Variants in VPS37B observed in about 807,000 individuals in gnomAD.
The protein encoded by VPS37B is vacuolar protein sorting-associated protein 37B.
VPS37B carries 11 observed loss-of-function variants against 21.2 expected under a neutral mutation model. The ratio of observed to expected loss-of-function variants is 0.52; its 90% CI spans 0.33 to 0.86. The LOEUF is 0.86. VPS37B is among the 40% of genes least tolerant of loss of function. VPS37B has a pLI of 0.03. For missense variants in VPS37B, 389 were observed against 374.8 expected (o/e 1.04, Z -0.31); for synonymous variants, 175 against 159.6 (o/e 1.10, Z -0.73).
intron 1 of VPS37B, chr12:122,873,148 G>A (rs926035901): frequency 6.6e-6 from 1 of 152,188 alleles, no homozygotes; most frequent in Admixed American, 6.5e-5. Flanking sequence ...GCACGGGGAC[G>A]GAGCCGTCCT....
chr12:122,879,413 G>C (rs1056412964), intron 1 of VPS37B: 1 of 152,404 alleles, frequency 6.6e-6, no homozygotes, highest in East Asian at 1.9e-4. Context: ...AGTGTTCCCC[G>C]GGTTGCCTCG....
At chr12:122,895,201 C>T (rs2034472810) in intron 1 of VPS37B, among the ~76,000 whole-genome samples, 1 of 151,938 alleles carries the variant, frequency 6.6e-6, no homozygotes, top group South Asian at 2.1e-4. Context: ...GGCTGGGGAC[C>T]CTCGCCCAAC....
intron 1 of VPS37B, among the ~76,000 whole-genome samples, chr12:122,891,545 A>G (rs1157921409): frequency 6.6e-6 from 1 of 152,186 alleles, no homozygotes. Context: ...AGGCACAGTA[A>G]TTTTTTACTC....
chr12:122,868,219 G>A lies in VPS37B; in HGVS notation c.366+261C>T, dbSNP rs1379380246. Among the ~76,000 whole-genome samples, 1 of 152,238 alleles carries A rather than the reference G, an allele frequency of 6.6e-6. No homozygotes were observed. Among genetic ancestry groups the A allele is most frequent in the African/African-American group, 2.4e-5 (1 of 41,464 alleles). ...ACGTGGTAATCCGCCACTGGCCCCA[G>A]GGGCCGGCGTTCACAGGGTGGCACG... is the stretch of plus-strand genomic sequence containing the variant. On this transcript the variant is annotated intron_variant, in intron 3 of 3. Coordinates refer to ENST00000267202, the MANE Select transcript of VPS37B (RefSeq NM_024667.3). This position sits in a 1 kb window ranked among gnomAD's most constrained non-coding sequence, Gnocchi z 5.5.
chr12:122,875,529 A>AAC (rs1451361839), intron 1 of VPS37B: 1 of 152,146 alleles, frequency 6.6e-6, no homozygotes, highest in African/African-American at 2.4e-5. Context: ...CCTGCCCCAG[A>AAC]ACACACCTTG....
chr12:122,882,400 G>C (rs2034258442), intron 1 of VPS37B: 1 of 152,150 alleles, frequency 6.6e-6, no homozygotes, highest in African/African-American at 2.4e-5. Flanking sequence ...CCCAAGCTTA[G>C]CTGGCCCTTC....
chr12:122,867,219 T>C lies in VPS37B; in HGVS notation c.755A>G (p.Gln252Arg), dbSNP rs1286218854. 7 of 1,574,068 alleles carry C rather than the reference T, an allele frequency of 4.4e-6. No homozygotes were observed. The South Asian group carries it at 7.1e-5, about 16-fold the overall frequency. ...PLPPRVGLPT[Q>R]QGFSSQFVSP... ...CACGAACTGCGAAGAGAATCCTTGC[T>C]GAGTGGGGAGGCCCACGCGGGGGGG... Residue 252 changes from glutamine to arginine, a missense_variant, in exon 4 of 4, where the codon CAG becomes CGG. Transcript: ENST00000267202. This position sits in a 1 kb window ranked among gnomAD's most constrained non-coding sequence, Gnocchi z 5.5.
At position 122,867,330 on chromosome 12, in the gene VPS37B, G is replaced by A. The variant is rs1197174527; in HGVS notation, c.644C>T (p.Pro215Leu). The change falls in exon 4 of 4, where the codon CCT becomes CTT. Residue 215 changes from proline to leucine, a missense_variant. Pro to Leu is a moderately conservative substitution (Grantham distance 98). Coordinates refer to ENST00000267202, the MANE Select transcript of VPS37B (RefSeq NM_024667.3). The surrounding 1 kb of genome is among the most constrained non-coding windows in gnomAD (Gnocchi z 5.5). ...RRIPPPPPPV[P>L]AGRLATPFTA... ...AAACGGGGTGGCTAAGCGTCCCGCA[G>A]GCACCGGGGGTGGTGGGGGGGGGAT... 1 of 1,527,252 alleles carries A rather than the reference G, an allele frequency of 6.5e-7. No individual in the cohort carries two copies. The highest frequency in any genetic ancestry group is 8.9e-7 in the Non-Finnish European group (1 of 1,118,476). The allele number at this position is 1,527,252 out of a possible 1,614,324, so 94.6% of individuals were successfully genotyped here. A position where few individuals can be genotyped will look rare whatever the true frequency, so the allele number is the denominator to read the frequency against.
At position 122,867,487 on chromosome 12, in the gene VPS37B, C is replaced by A. The variant is rs1319186507; in HGVS notation, c.487G>T (p.Val163Phe). The change falls in exon 4 of 4, where the codon GTC becomes TTC. Residue 163 changes from valine (V) to phenylalanine (F), a missense_variant. By Grantham distance (50) the Val-to-Phe change is conservative (BLOSUM62 -1). Transcript: ENST00000267202. The surrounding 1 kb of genome is among the most constrained non-coding windows in gnomAD (Gnocchi z 5.5). ...RVKIEKLQEM[V>F]LKGQRLPQAL... is the part of the protein sequence containing the mutation. ...TGTGGGAGTCTCTGCCCCTTTAGGA[C>A]CATCTCCTGGAGCTTCTCGATTTTC... is the stretch of plus-strand genomic sequence containing the variant. The A allele has an allele frequency of 4.3e-6, 7 of 1,613,928 alleles. No homozygotes were observed. The highest frequency in any genetic ancestry group is 5.1e-6 in the Non-Finnish European group (6 of 1,180,022).
chr12:122,890,681 T>A (rs1056886382), intron 1 of VPS37B, among the ~76,000 whole-genome samples: 1 of 152,114 alleles, frequency 6.6e-6, no homozygotes, highest in African/African-American at 2.4e-5. Flanking sequence ...ATACATAAAA[T>A]TTTCCATCGT....
At chr12:122,869,380 G>A (rs1011852474) in intron 2 of VPS37B, among the ~76,000 whole-genome samples, 1 of 152,208 alleles carries the variant, frequency 6.6e-6, no homozygotes, top group African/African-American at 2.4e-5. Context: ...GGTGAAATGA[G>A]AAAAGGAGGT....
rs541020770 is a variant in VPS37B, at chr12:122,868,562, T to A, written c.284A>T (p.Asp95Val). ...EAYQIKKTKL[D>V]RQSSSASLET... ...CAAGGAAGCACTGCTAGACTGTCTG[T>A]CTGGAAAAAAAGCAAGAGGTATGAC... The change falls in exon 3 of 4, where the codon GAC becomes GTC. Residue 95 changes from aspartate (D) to valine (V), a missense_variant and splice_region_variant. Coordinates refer to ENST00000267202, the MANE Select transcript of VPS37B (RefSeq NM_024667.3). The surrounding 1 kb of genome is among the most constrained non-coding windows in gnomAD (Gnocchi z 5.5). 6.2e-7 allele frequency: 1 copy of A among 1,613,102 alleles called. No individual in the cohort carries two copies. Among genetic ancestry groups the A allele is most frequent in the African/African-American group, 1.3e-5 (1 of 74,980 alleles).
chr12:122,867,288 G>C lies in VPS37B; in HGVS notation c.686C>G (p.Ser229Trp), dbSNP rs746599217. 7.1e-6 allele frequency: 10 copies of C among 1,408,442 alleles called. No homozygotes were observed. The highest frequency in any genetic ancestry group is 3.2e-5 in the African/African-American group (2 of 63,046). The allele number at this position is 1,408,442 out of a possible 1,614,324, so 87.2% of individuals were successfully genotyped here. ...TCCTGGGTACGGCACGGCCTGTCCC[G>C]AACTCATGGCCGCAGTAAACGGGGT... ...LATPFTAAMS[S>W]GQAVPYPGLQ... The change falls in exon 4 of 4, where the codon TCG (serine) becomes TGG (tryptophan). Residue 229 changes from serine (S) to tryptophan (W), a missense_variant. Ser to Trp is a radical substitution (Grantham distance 177). Transcript: ENST00000267202. The surrounding 1 kb of genome is among the most constrained non-coding windows in gnomAD (Gnocchi z 5.5).
chr12:122,871,837 T>G (rs1356046423), intron 1 of VPS37B: 1 of 984,598 alleles, frequency 1.0e-6, no homozygotes, highest in African/African-American at 1.7e-5. Context: ...CTAGCAAAAC[T>G]TAGCCAAAGT....
intron 1 of VPS37B, chr12:122,881,815 C>T (rs957731132): frequency 3.3e-5 from 5 of 152,114 alleles, no homozygotes; most frequent in African/African-American, 1.2e-4. Flanking sequence ...TTTAAAAAAA[C>T]CTTTTATAGA....
At chr12:122,885,588 C>T (rs2034308884) in intron 1 of VPS37B, 1 of 150,838 alleles carries the variant, frequency 6.6e-6, no homozygotes, top group Non-Finnish European at 1.5e-5. Flanking sequence ...GTGTTTATCT[C>T]TGGGTAGTGA....
At chr12:122,890,996 T>C (rs1389483153) in intron 1 of VPS37B, among the ~76,000 whole-genome samples, 1 of 152,242 alleles carries the variant, frequency 6.6e-6, no homozygotes, top group African/African-American at 2.4e-5. Flanking sequence ...ACAATAACTA[T>C]TTACCAAGTG....
At position 122,868,225 on chromosome 12, in the gene VPS37B, G is replaced by A. The variant is rs1044007548; in HGVS notation, c.366+255C>T. ...TAATCCGCCACTGGCCCCAGGGGCC[G>A]GCGTTCACAGGGTGGCACGCATGCC... On this transcript the variant is annotated intron_variant, in intron 3 of 3. Coordinates refer to ENST00000267202, the MANE Select transcript of VPS37B (RefSeq NM_024667.3). This position sits in a 1 kb window ranked among gnomAD's most constrained non-coding sequence, Gnocchi z 5.5. 2.6e-5 allele frequency among the ~76,000 whole-genome samples: 4 copies of A among 151,882 alleles called. No homozygotes were observed. Among genetic ancestry groups the A allele is most frequent in the African/African-American group, 4.8e-5 (2 of 41,366 alleles).
At chr12:122,885,832 C>T (rs911343951) in intron 1 of VPS37B, 10 of 150,116 alleles carry the variant, frequency 6.7e-5, no homozygotes, top group South Asian at 2.1e-4. Flanking sequence ...TACAGGCGCC[C>T]GCTACCACGC....
Sources: gnomAD v4.1 joint callset for allele counts (sites outside exome capture counted in the v4.1 genomes callset) on GRCh38, gnomAD v4.1.1 for gene constraint, Gnocchi (gnomAD v3.1) non-coding constraint, MANE v1.5 for transcripts, NCBI Gene and HGNC (gene_info 2026-07-23, HGNC 2026-07-21) for gene names.